Variants in CLEC16A observed in about 807,000 individuals in gnomAD.
CLEC16A encodes C-type lectin domain containing 16A.
In CLEC16A, 51 loss-of-function variants were observed where a neutral mutation model predicts 109.5. The ratio of observed to expected loss-of-function variants is 0.47; its 90% confidence interval spans 0.37 to 0.59. The LOEUF (loss-of-function observed/expected upper bound fraction) is 0.59, where lower values mean the gene tolerates loss of function less well. Ranked by LOEUF, CLEC16A falls within the 20% of genes least tolerant of loss-of-function variation. CLEC16A has a pLI of 0.00. For missense variants in CLEC16A, 1,339 were observed against 1,394.0 expected (o/e 0.96, Z 0.63); for synonymous variants, 673 against 564.2 (o/e 1.19, Z -2.73).
intron 9 of CLEC16A, among the ~76,000 whole-genome samples, chr16:10,982,067 G>A (rs1056498067): frequency 1.3e-5 from 2 of 152,198 alleles, no homozygotes; most frequent in African/African-American, 4.8e-5. Context: ...ACATGCACAC[G>A]CTTTTCTATG....
At chr16:11,169,979 G>A (rs1207320106) in intron 23 of CLEC16A, among the ~76,000 whole-genome samples, 1 of 152,138 alleles carries the variant, frequency 6.6e-6, no homozygotes, top group Non-Finnish European at 1.5e-5. Flanking sequence ...AAACACAGGG[G>A]CCCAGAAAGG....
intron 19 of CLEC16A, among the ~76,000 whole-genome samples, chr16:11,063,755 T>C (rs2048619305): frequency 6.6e-6 from 1 of 152,038 alleles, no homozygotes; most frequent in African/African-American, 2.4e-5. Context: ...ATGGGGAGCA[T>C]TAAAGATGTG....
At chr16:11,024,498 T>C in intron 12 of CLEC16A, 1 of 274,202 alleles carries the variant, frequency 3.6e-6, no homozygotes, top group Non-Finnish European at 7.2e-6. Flanking sequence ...CTGTTTGTTC[T>C]GTGTCTACCA....
At position 10,983,261 on chromosome 16, in the gene CLEC16A, G is replaced by T. The variant is rs369028041; in HGVS notation, c.1071+270G>T. Among the ~76,000 whole-genome samples the T allele has an allele frequency of 2.0e-5, 3 of 152,322 alleles. No individual in the cohort carries two copies. The East Asian group carries it at 5.8e-4, about 29-fold the overall frequency. On this transcript the variant is annotated intron_variant, in intron 10 of 23. Transcript: ENST00000409790. ...TTAGGTTGCATATCTGTGAGACACT[G>T]TTATCGGGACACAGTGAGAAAATGC... is the stretch of plus-strand genomic sequence containing the variant.
intron 23 of CLEC16A, among the ~76,000 whole-genome samples, chr16:11,170,611 C>G (rs1232434279): frequency 6.6e-6 from 1 of 152,220 alleles, no homozygotes; most frequent in Non-Finnish European, 1.5e-5. Flanking sequence ...CCCGCCCGGC[C>G]CACACGTGGC....
rs907595875 is a variant in CLEC16A at position 10,961,948 on chromosome 16, A to G, written c.210-507A>G. On this transcript the variant is annotated intron_variant, in intron 2 of 23. Transcript: ENST00000409790. This position sits in a 1 kb window ranked among gnomAD's most constrained non-coding sequence, Gnocchi z 4.3. The stretch of plus-strand genomic sequence containing the variant: ...AACCGTAGGGCTAAAGCTTTTTGGG[A>G]ACTTTTTTTTCTTTTTTTTCTTTTT... Among the ~76,000 whole-genome samples, 19 of 146,680 alleles carry G rather than the reference A, an allele frequency of 1.3e-4. No homozygotes were observed. Among genetic ancestry groups the G allele is most frequent in the Admixed American group, 5.6e-4 (8 of 14,178 alleles).
intron 12 of CLEC16A, among the ~76,000 whole-genome samples, chr16:11,021,015 G>C (rs1025966798): frequency 3.9e-5 from 6 of 152,180 alleles, no homozygotes; most frequent in African/African-American, 1.4e-4. Context: ...CCCTGCAACA[G>C]CCTCCTGATT....
At chr16:10,955,183 GCT>G (rs1367877300) in intron 1 of CLEC16A, among the ~76,000 whole-genome samples, 1 of 152,246 alleles carries the variant, frequency 6.6e-6, no homozygotes, top group Non-Finnish European at 1.5e-5. Flanking sequence ...CTTCACCAGA[GCT>G]CTGTGCTGTC....
chr16:11,123,925 A>C lies in CLEC16A; in HGVS notation c.2452A>C (p.Met818Leu), dbSNP rs760969894. 6.2e-7 allele frequency: 1 copy of C among 1,611,942 alleles called. No homozygotes were observed. Residue 818 changes from methionine to leucine, a missense_variant, in exon 21 of 24, where the codon ATG becomes CTG. Physicochemically the swap from Met to Leu is conservative, Grantham distance 15 (BLOSUM62 2). Coordinates refer to ENST00000409790, the MANE Select transcript of CLEC16A (RefSeq NM_015226.3). ...LAKGRIQARR[M>L]KMQRIAALLD... ...CAAAGGCCGCATCCAGGCAAGGCGC[A>C]TGAAGATGCAGAGAATAGCTGGTGA...
intron 22 of CLEC16A, among the ~76,000 whole-genome samples, chr16:11,133,786 A>C (rs1468747404): frequency 1.3e-5 from 2 of 151,726 alleles, no homozygotes; most frequent in Non-Finnish European, 2.9e-5. Context: ...CAAGGCAAAA[A>C]ATACCCTTTC....
intron 19 of CLEC16A, among the ~76,000 whole-genome samples, chr16:11,090,548 C>A (rs367792864): frequency 6.6e-6 from 1 of 152,172 alleles, no homozygotes; most frequent in African/African-American, 2.4e-5. Context: ...TTACATTTCT[C>A]CGCAACTCCC....
chr16:11,179,280 C>G lies in CLEC16A; in HGVS notation c.*590C>G, dbSNP rs1390581478. 1 of 152,174 alleles carries G rather than the reference C, an allele frequency of 6.6e-6. No individual in the cohort carries two copies. The highest frequency in any genetic ancestry group is 1.5e-5 in the Non-Finnish European group (1 of 68,062). The allele number at this position is 152,174 out of a possible 1,614,324, so 9.4% of individuals were successfully genotyped here. On this transcript the variant is annotated 3_prime_UTR_variant, in exon 24 of 24. Coordinates refer to ENST00000409790, the MANE Select transcript of CLEC16A (RefSeq NM_015226.3). ...CATGATCATTTTCACTGGACCTTTC[C>G]TGATATTTTGTTTCAGAGTTCTTAG...
chr16:11,162,987 A>C (rs1187790866), intron 22 of CLEC16A, among the ~76,000 whole-genome samples: 1 of 152,222 alleles, frequency 6.6e-6, no homozygotes, highest in African/African-American at 2.4e-5. Context: ...GACTGTTATC[A>C]CTGGAGAGGA....
chr16:11,012,594 C>CAAAAAAAAAA (rs551902895), intron 11 of CLEC16A, among the ~76,000 whole-genome samples: 37 of 67,936 alleles, frequency 5.4e-4, no homozygotes, highest in African/African-American at 1.4e-3. Context: ...GACTCCGTCT[C>CAAAAAAAAAA]AAAAAAAAAA....
chr16:10,952,229 C>T (rs906050999), intron 1 of CLEC16A, among the ~76,000 whole-genome samples: 1 of 152,198 alleles, frequency 6.6e-6, no homozygotes, highest in East Asian at 1.9e-4. Flanking sequence ...TGAGTTGGCT[C>T]ACACCTGTAA....
At chr16:11,139,706 G>T (rs2053734267) in intron 22 of CLEC16A, among the ~76,000 whole-genome samples, 1 of 152,210 alleles carries the variant, frequency 6.6e-6, no homozygotes, top group South Asian at 2.1e-4. Flanking sequence ...GAAATTCACA[G>T]CGTGATTTGG....
At chr16:11,080,188 T>G (rs1470862972) in intron 19 of CLEC16A, among the ~76,000 whole-genome samples, 1 of 152,270 alleles carries the variant, frequency 6.6e-6, no homozygotes, top group Non-Finnish European at 1.5e-5. Context: ...TGGTAGGCAC[T>G]GTGCTAGCCA....
In CLEC16A at chr16:11,062,414, C is replaced by G. The variant is rs2048531727; in HGVS notation, c.2116+1392C>G. 2.0e-5 allele frequency among the ~76,000 whole-genome samples: 3 copies of G among 152,212 alleles called. 1 individual carries two copies. The highest frequency in any genetic ancestry group is 4.1e-4 in the South Asian group (2 of 4,830). On this transcript the variant is annotated intron_variant, in intron 19 of 23. Coordinates refer to ENST00000409790, the MANE Select transcript of CLEC16A (RefSeq NM_015226.3). ...AGACCCTGCTTTGTATTCCCTTGAA[C>G]AAATGACAGGACCCCCACAGCCTCC...
intron 3 of CLEC16A, among the ~76,000 whole-genome samples, chr16:10,966,999 G>T (rs2042542769): frequency 6.6e-6 from 1 of 152,150 alleles, no homozygotes; most frequent in South Asian, 2.1e-4. Flanking sequence ...CTAAGATTCT[G>T]CCTTAGACCC....
Sources: allele counts gnomAD v4.1 joint callset (sites outside exome capture counted in the v4.1 genomes callset), GRCh38; gene constraint gnomAD v4.1.1; non-coding constraint Gnocchi (gnomAD v3.1); transcripts MANE v1.5; gene names NCBI Gene and HGNC (gene_info 2026-07-23, HGNC 2026-07-21).